FAT3: variants seen among roughly 807,000 people sequenced by gnomAD.
The protein encoded by FAT3 is FAT atypical cadherin 3, also known as protocadherin Fat 3.
FAT3 carries 95 observed loss-of-function variants against 310.2 expected under a neutral mutation model. That is an observed-to-expected ratio of 0.31 (90% confidence interval 0.26 to 0.36). The LOEUF (loss-of-function observed/expected upper bound fraction) is 0.36, where lower values mean the gene tolerates loss of function less well. FAT3 is among the 10% of genes least tolerant of loss of function. The probability of loss-of-function intolerance (pLI) is 1.00; values close to 1 mark genes in which losing one functional copy is unlikely to be tolerated. For missense variants in FAT3, 5,408 were observed against 5,715.6 expected (o/e 0.95, Z 1.74); for synonymous variants, 2,314 against 2,192.9 (o/e 1.06, Z -1.54).
At chr11:92,264,375 CA>C (rs929799521) in intron 1 of FAT3, among the ~76,000 whole-genome samples, 2 of 151,952 alleles carry the variant, frequency 1.3e-5, no homozygotes, top group African/African-American at 4.8e-5. Flanking sequence ...AGAAGAGATA[CA>C]AAATAGTTAT....
At chr11:92,630,781 T>A (rs982826631) in intron 3 of FAT3, among the ~76,000 whole-genome samples, 2 of 152,132 alleles carry the variant, frequency 1.3e-5, no homozygotes, top group Non-Finnish European at 2.9e-5. Context: ...CCCAGGTATA[T>A]AGCAGTAATT....
intron 3 of FAT3, among the ~76,000 whole-genome samples, chr11:92,539,329 C>T (rs761042029): frequency 3.2e-4 from 48 of 152,150 alleles, no homozygotes; most frequent in Non-Finnish European, 3.4e-4. Context: ...GATAATCAGT[C>T]TCCAAATTCT....
intron 1 of FAT3, among the ~76,000 whole-genome samples, chr11:92,243,995 C>T (rs541678713): frequency 1.3e-5 from 2 of 151,974 alleles, no homozygotes; most frequent in African/African-American, 4.8e-5. Context: ...TATTCTAGTC[C>T]ATTTCTTATA....
At chr11:92,315,042 C>T (rs918926563) in intron 1 of FAT3, among the ~76,000 whole-genome samples, 4 of 151,728 alleles carry the variant, frequency 2.6e-5, no homozygotes, top group East Asian at 1.9e-4. Context: ...ACAACCTTCA[C>T]GGGCTTCTGG....
chr11:92,413,787 A>G (rs1289599385), intron 2 of FAT3, among the ~76,000 whole-genome samples: 1 of 152,340 alleles, frequency 6.6e-6, no homozygotes, highest in African/African-American at 2.4e-5. Context: ...CACCAAGAAT[A>G]TTATTTCCAT....
intron 1 of FAT3, among the ~76,000 whole-genome samples, chr11:92,237,836 G>C (rs2134244295): frequency 6.6e-6 from 1 of 152,212 alleles, no homozygotes; most frequent in South Asian, 2.1e-4. Flanking sequence ...GGTGGTATTT[G>C]GTGGAGTTCT....
chr11:92,362,026 C>A (rs1288141313), intron 2 of FAT3, among the ~76,000 whole-genome samples: 1 of 152,238 alleles, frequency 6.6e-6, no homozygotes, highest in Non-Finnish European at 1.5e-5. Context: ...ATTCAGTCAT[C>A]CCAGGAGGTA....
chr11:92,518,088 T>A (rs1199744157), intron 2 of FAT3, among the ~76,000 whole-genome samples: 1 of 151,468 alleles, frequency 6.6e-6, no homozygotes, highest in Non-Finnish European at 1.5e-5. Flanking sequence ...CTAGATCCAG[T>A]GAGCCAAATA....
At chr11:92,398,808 C>T (rs1037596388) in intron 2 of FAT3, among the ~76,000 whole-genome samples, 1 of 152,128 alleles carries the variant, frequency 6.6e-6, no homozygotes, top group Non-Finnish European at 1.5e-5. Flanking sequence ...ATGTTTGTTG[C>T]TTTTCACTAA....
intron 1 of FAT3, among the ~76,000 whole-genome samples, chr11:92,247,358 G>A (rs1320636): frequency 0.24 from 35,867 of 150,562 alleles, 4,419 homozygotes; most frequent in East Asian, 0.39. Context: ...TAGGGCTCCC[G>A]AATCCCTGCT....
chr11:92,450,073 C>T (rs1951316686), intron 2 of FAT3, among the ~76,000 whole-genome samples: 1 of 152,162 alleles, frequency 6.6e-6, no homozygotes, highest in African/African-American at 2.4e-5. Context: ...ACCTCCTTAG[C>T]CAGAGGCCAA....
chr11:92,616,290 G>A (rs1940799862), intron 3 of FAT3, among the ~76,000 whole-genome samples: 1 of 151,982 alleles, frequency 6.6e-6, no homozygotes, highest in South Asian at 2.1e-4. Context: ...TCAGAGACTG[G>A]GATTGGAACC....
chr11:92,434,963 C>T (rs1950891979), intron 2 of FAT3, among the ~76,000 whole-genome samples: 1 of 152,062 alleles, frequency 6.6e-6, no homozygotes, highest in African/African-American at 2.4e-5. Context: ...GAAGAAGAGA[C>T]CTAAAGACAT....
chr11:92,764,644 T>TTTAAA (rs1946255763), intron 5 of FAT3, among the ~76,000 whole-genome samples: 5 of 152,192 alleles, frequency 3.3e-5, no homozygotes, highest in Non-Finnish European at 7.3e-5. Context: ...TCTCAATATC[T>TTTAAA]GTAAAGTTGA....
At chr11:92,828,121 G>C (rs1443672140) in intron 13 of FAT3, among the ~76,000 whole-genome samples, 1 of 151,580 alleles carries the variant, frequency 6.6e-6, no homozygotes, top group Admixed American at 6.6e-5. Flanking sequence ...CTTCTGCTTG[G>C]GTTCATCATT....
chr11:92,339,237 G>T (rs1371987589), intron 1 of FAT3, among the ~76,000 whole-genome samples: 1 of 152,162 alleles, frequency 6.6e-6, no homozygotes, highest in African/African-American at 2.4e-5. Flanking sequence ...ATACCCACTA[G>T]ATGCCTGCAG....
chr11:92,411,160 T>A (rs945355817), intron 2 of FAT3, among the ~76,000 whole-genome samples: 1 of 142,968 alleles, frequency 7.0e-6, no homozygotes, highest in African/African-American at 2.6e-5. Context: ...TATATATATA[T>A]AATATATATA....
chr11:92,403,310 A>G (rs1950065476), intron 2 of FAT3: 1 of 152,106 alleles, frequency 6.6e-6, no homozygotes, highest in African/African-American at 2.4e-5. Context: ...CCCACACTCA[A>G]TGTCTTCTTA....
chr11:92,413,287 T>C (rs1209719002), intron 2 of FAT3, among the ~76,000 whole-genome samples: 1 of 152,170 alleles, frequency 6.6e-6, no homozygotes, highest in East Asian at 1.9e-4. Context: ...ATCTATAAAA[T>C]AGGGAGAATA....
Sources: gnomAD v4.1 joint callset for allele counts (sites outside exome capture counted in the v4.1 genomes callset) on GRCh38, gnomAD v4.1.1 for gene constraint, MANE v1.5 for transcripts, NCBI Gene and HGNC (gene_info 2026-07-23, HGNC 2026-07-21) for gene names.